The following UNC13B variants were observed in gnomAD, a reference collection of about 807,000 sequenced individuals.
UNC13B encodes protein unc-13 homolog B.
In UNC13B, 144 loss-of-function variants were observed where a neutral mutation model predicts 211.0. That is an observed-to-expected ratio of 0.68 (90% CI 0.60 to 0.78). The LOEUF (loss-of-function observed/expected upper bound fraction) is 0.78. Among genes scored for constraint, UNC13B ranks in the 30% least tolerant of loss-of-function variants. The pLI, the probability that UNC13B is intolerant of heterozygous loss-of-function variation, is 0.00. For synonymous variants in UNC13B, 709 were observed against 725.8 expected (o/e 0.98, Z 0.37); for missense variants, 1,777 against 2,002.0 (o/e 0.89, Z 2.14).
intron 1 of UNC13B, among the ~76,000 whole-genome samples, chr9:35,185,957 A>C (rs1822338005): frequency 6.6e-6 from 1 of 151,860 alleles, no homozygotes; most frequent in Non-Finnish European, 1.5e-5. Flanking sequence ...ACACAGTAAA[A>C]TAAAACTCTA....
In UNC13B at chr9:35,230,275, C is replaced by T. The variant is rs567522770; in HGVS notation, c.53-845C>T. On this transcript the variant is annotated intron_variant, in intron 2 of 39. Coordinates refer to ENST00000635942, the MANE Select transcript of UNC13B (RefSeq NM_001371189.2). ...TCACTTGAGGTCAGGCATTTGAGAC[C>T]GCCTGGCCAACGTGGTGAAACCCCA... is the stretch of plus-strand genomic sequence containing the variant. 8.6e-5 allele frequency among the ~76,000 whole-genome samples: 13 copies of T among 151,732 alleles called. No homozygotes were observed. The South Asian group carries it at 1.9e-3, about 22-fold the overall frequency.
intron 6 of UNC13B, among the ~76,000 whole-genome samples, chr9:35,258,141 A>G (rs1827043428): frequency 6.6e-6 from 1 of 152,208 alleles, no homozygotes; most frequent in African/African-American, 2.4e-5. Context: ...AGAAGCATTG[A>G]CTTGCCTCAG....
intron 1 of UNC13B, among the ~76,000 whole-genome samples, chr9:35,226,967 T>C (rs888165718): frequency 3.3e-5 from 5 of 152,232 alleles, no homozygotes; most frequent in African/African-American, 9.6e-5. Context: ...AAATTTATGC[T>C]TATTGACCAA....
At chr9:35,284,701 T>G (rs1828694192) in intron 7 of UNC13B, among the ~76,000 whole-genome samples, 1 of 152,208 alleles carries the variant, frequency 6.6e-6, no homozygotes, top group South Asian at 2.1e-4. Context: ...CTACAGTACT[T>G]ACCGAATCAA....
chr9:35,192,373 A>G (rs1255644308), intron 1 of UNC13B, among the ~76,000 whole-genome samples: 1 of 152,214 alleles, frequency 6.6e-6, no homozygotes, highest in Non-Finnish European at 1.5e-5. Flanking sequence ...GACATATTGT[A>G]CATTTCCAAA....
chr9:35,235,009 C>A (rs1324568365), intron 3 of UNC13B, among the ~76,000 whole-genome samples: 1 of 152,104 alleles, frequency 6.6e-6, no homozygotes, highest in Non-Finnish European at 1.5e-5. Context: ...TCTTGGATTA[C>A]CCCTCAAGTA....
intron 1 of UNC13B, among the ~76,000 whole-genome samples, chr9:35,174,795 C>T (rs1287850384): frequency 6.6e-6 from 1 of 152,120 alleles, no homozygotes; most frequent in Non-Finnish European, 1.5e-5. Flanking sequence ...ACCGTGTTAG[C>T]CAGGATAGTC....
rs776540137 is a variant in UNC13B, at chr9:35,381,645, T to C, written c.10581T>C (p.Phe3527=). 5 of 1,614,192 alleles carry C rather than the reference T, an allele frequency of 3.1e-6. No individual in the cohort carries two copies. Among genetic ancestry groups the C allele is most frequent in the Non-Finnish European group, 1.7e-6 (2 of 1,180,038 alleles). ...ARGDDAWKVY[F]DETAQEIVDE... Reference sequence around the variant, plus strand: ...GAGACGATGCCTGGAAGGTGTACTTTGATGAGACAGCCCAAGAAATTGTGG... The same window carrying C: ...GAGACGATGCCTGGAAGGTGTACTTCGATGAGACAGCCCAAGAAATTGTGG... The change falls in exon 20 of 40, where the codon TTT becomes TTC. Residue 3527 remains phenylalanine, a synonymous_variant. Coordinates refer to ENST00000635942, the MANE Select transcript of UNC13B (RefSeq NM_001371189.2).
intron 1 of UNC13B, among the ~76,000 whole-genome samples, chr9:35,173,021 A>G (rs1821418059): frequency 6.6e-6 from 1 of 152,130 alleles, no homozygotes; most frequent in Admixed American, 6.5e-5. Flanking sequence ...TGGGCTGTCA[A>G]TTTTCTCTTG....
At chr9:35,291,215 C>A in intron 7 of UNC13B, 1 of 1,035,576 alleles carries the variant, frequency 9.7e-7, no homozygotes, top group Non-Finnish European at 1.4e-6. Context: ...TTTCCCTCTC[C>A]TCTCCTACTT....
chr9:35,228,033 A>G lies in UNC13B; in HGVS notation c.41A>G (p.Gln14Arg), dbSNP rs758806383. 22 of 1,612,234 alleles carry G rather than the reference A, an allele frequency of 1.4e-5. No homozygotes were observed. The highest frequency in any genetic ancestry group is 1.3e-4 in the Admixed American group (8 of 59,698). ...CTTGCAGTTAAAAGGGCCAAATTCC[A>G]GGGTTCACCAGGTAAGGCCAGCTTT... is the stretch of plus-strand genomic sequence containing the variant. Reference protein sequence around the residue: ...LCVRVKRAKFQGSPDKFNTYV... With the variant: ...LCVRVKRAKFRGSPDKFNTYV... The change falls in exon 2 of 40, where the codon CAG becomes CGG. Residue 14 changes from glutamine (Q) to arginine (R), a missense_variant. By Grantham distance (43) the Gln-to-Arg change is conservative. Transcript: ENST00000635942.
At chr9:35,329,665 T>G (rs1465234735) in intron 11 of UNC13B, among the ~76,000 whole-genome samples, 2 of 152,022 alleles carry the variant, frequency 1.3e-5, no homozygotes, top group African/African-American at 4.8e-5. Flanking sequence ...TTTTTTATAT[T>G]TTTTGTGGAG....
intron 7 of UNC13B, among the ~76,000 whole-genome samples, chr9:35,270,504 G>A (rs550659502): frequency 1.3e-5 from 2 of 152,144 alleles, no homozygotes; most frequent in Admixed American, 6.5e-5. Context: ...GCTGTGTCCT[G>A]TAATGTACAC....
In UNC13B at chr9:35,304,403, C is replaced by T; in HGVS notation, c.4999C>T (p.Pro1667Ser). ...AGACTTTAGATCTTTCAAAGAAAGG[C>T]CGTGTGGTTCTGAAGACGCTGAATG... ...KGDFRSFKER[P>S]CGSEDAECTL... The change falls in exon 9 of 40, where the codon CCG (proline) becomes TCG (serine). Residue 1667 changes from proline (P) to serine (S), a missense_variant. Physicochemically the swap from Pro to Ser is moderately conservative, Grantham distance 74. Transcript: ENST00000635942. The T allele has an allele frequency of 2.5e-6, 1 of 398,608 alleles. No homozygotes were observed. The highest frequency in any genetic ancestry group is 4.4e-6 in the Non-Finnish European group (1 of 225,874). 24.7% of individuals were successfully genotyped at this position (398,608 alleles called of 1,614,324 possible). A position where few individuals can be genotyped will look rare whatever the true frequency, so the allele number is the denominator to read the frequency against.
chr9:35,293,580 C>T (rs975079401), intron 7 of UNC13B, among the ~76,000 whole-genome samples: 1 of 152,178 alleles, frequency 6.6e-6, no homozygotes, highest in African/African-American at 2.4e-5. Flanking sequence ...TACAGACTTG[C>T]TCTTTCTGTG....
chr9:35,329,149 A>G (rs1216974573), intron 11 of UNC13B, among the ~76,000 whole-genome samples: 1 of 151,892 alleles, frequency 6.6e-6, no homozygotes, highest in Non-Finnish European at 1.5e-5. Flanking sequence ...TCCTCCTCTC[A>G]TGGGCTGAGT....
chr9:35,352,155 C>T (rs1832755480), intron 11 of UNC13B: 1 of 1,232,208 alleles, frequency 8.1e-7, no homozygotes, highest in Non-Finnish European at 1.0e-6. Context: ...GCCCAGGAAC[C>T]CCACGTGGAC....
At position 35,398,285 on chromosome 9, in the gene UNC13B, G is replaced by A; in HGVS notation, c.11829G>A (p.Lys3943=). The A allele has an allele frequency of 6.2e-7, 1 of 1,613,848 alleles. No homozygotes were observed. The highest frequency in any genetic ancestry group is 8.5e-7 in the Non-Finnish European group (1 of 1,179,850). Residue 3943 remains lysine, a synonymous_variant, in exon 31 of 40, where the codon AAG becomes AAA. Transcript: ENST00000635942. ...AAATGTTTGAGGCCATGGGAGGCAAGGAGGTAGGTCTTAGGGTTTGGGAGT... is the reference window on the plus strand; with the variant it reads ...AAATGTTTGAGGCCATGGGAGGCAAAGAGGTAGGTCTTAGGGTTTGGGAGT... ...LEKMFEAMGG[K]ELDLEAADSL...
intron 24 of UNC13B, among the ~76,000 whole-genome samples, chr9:35,389,288 C>G (rs149834315): frequency 6.6e-6 from 1 of 152,272 alleles, no homozygotes; most frequent in African/African-American, 2.4e-5. Flanking sequence ...TTCCTAGATG[C>G]AGTTCTTCCC....
Sources: gnomAD v4.1 joint callset for allele counts (sites outside exome capture counted in the v4.1 genomes callset) on GRCh38, gnomAD v4.1.1 for gene constraint, MANE v1.5 for transcripts, NCBI Gene and HGNC (gene_info 2026-07-23, HGNC 2026-07-21) for gene names.